TET2: variants seen among roughly 807,000 people sequenced by gnomAD.
The protein encoded by TET2 is tet methylcytosine dioxygenase 2, also known as methylcytosine dioxygenase TET2.
A neutral mutation model predicts 142.9 loss-of-function variants in TET2; 299 were observed. The observed-to-expected ratio is 2.09, with a 90% CI of 1.90 to 2.30. The LOEUF is 2.30. Among genes scored for constraint, TET2 ranks in the 30% most tolerant of loss-of-function variants. TET2 has a pLI of 0.00. For synonymous variants in TET2, 819 were observed against 849.0 expected, an observed-to-expected ratio of 0.96 and a Z score of 0.61; for missense variants, 2,418 against 2,378.0, an observed-to-expected ratio of 1.02 and a Z score of -0.35.
In TET2 at chr4:105,174,526, G is replaced by A. The variant is rs1391086149; in HGVS notation, c.-192-15834G>A. On this transcript the variant is annotated intron_variant, in intron 1 of 10. Transcript: ENST00000380013. ...GCATCAAATATTAGAGAAGCAGACA[G>A]GTAGATAGAAAGAATCACAACTTAG... 2.6e-5 allele frequency among the ~76,000 whole-genome samples: 4 copies of A among 152,172 alleles called. 1 individual carries two copies. The highest frequency in any genetic ancestry group is 9.7e-5 in the African/African-American group (4 of 41,438).
chr4:105,230,840 G>T (rs1292129321), intron 2 of TET2, among the ~76,000 whole-genome samples: 1 of 152,068 alleles, frequency 6.6e-6, no homozygotes, highest in Non-Finnish European at 1.5e-5. Context: ...CCAGTCATTA[G>T]ATTTTTTTAA....
intron 1 of TET2, among the ~76,000 whole-genome samples, chr4:105,164,730 C>T (rs1342622460): frequency 6.6e-6 from 1 of 152,144 alleles, no homozygotes; most frequent in Non-Finnish European, 1.5e-5. Flanking sequence ...CCTGAATAGG[C>T]GCCAGAGTTG....
At chr4:105,237,562 GAATT>G (rs1274768187) in intron 3 of TET2, 4 of 1,511,894 alleles carry the variant, frequency 2.6e-6, no homozygotes, top group East Asian at 4.7e-5. Context: ...TTTTCCAAAA[GAATT>G]AAATAATCGT....
chr4:105,173,125 C>A (rs1465353003), intron 1 of TET2, among the ~76,000 whole-genome samples: 1 of 152,064 alleles, frequency 6.6e-6, no homozygotes, highest in Non-Finnish European at 1.5e-5. Context: ...TTCTTGCATG[C>A]CAACACAAAG....
At position 105,278,876 on chromosome 4, in the gene TET2, C is replaced by T; in HGVS notation, c.*2357C>T. ...ATCCTGTAATCACTGAAGGTACATACTCCATGTGGACTTCCCTTAAACAGG... is the reference window on the plus strand; with the variant it reads ...ATCCTGTAATCACTGAAGGTACATATTCCATGTGGACTTCCCTTAAACAGG... On this transcript the variant is annotated 3_prime_UTR_variant, in exon 11 of 11. Transcript: ENST00000380013. 4.3e-6 allele frequency: 1 copy of T among 233,018 alleles called. No homozygotes were observed. The highest frequency in any genetic ancestry group is 8.5e-6 in the Non-Finnish European group (1 of 117,926). 14.4% of individuals were successfully genotyped at this position (233,018 alleles called of 1,614,324 possible).
At chr4:105,227,615 A>G (rs1330099876) in intron 2 of TET2, among the ~76,000 whole-genome samples, 1 of 152,086 alleles carries the variant, frequency 6.6e-6, no homozygotes, top group Non-Finnish European at 1.5e-5. Context: ...TTTAATTTCA[A>G]CTAAAAAATC....
chr4:105,248,075 A>C (rs561356104), intron 6 of TET2, among the ~76,000 whole-genome samples: 6 of 152,248 alleles, frequency 3.9e-5, no homozygotes, highest in African/African-American at 1.4e-4. Flanking sequence ...TGGCAAAAAC[A>C]CTTCATAAGT....
intron 8 of TET2, among the ~76,000 whole-genome samples, chr4:105,263,606 A>G (rs936746774): frequency 2.0e-5 from 3 of 152,184 alleles, no homozygotes; most frequent in African/African-American, 7.2e-5. Context: ...AATTTTGGAC[A>G]TGCTAGGCTT....
chr4:105,262,530 A>T (rs1238582145), intron 8 of TET2, among the ~76,000 whole-genome samples: 1 of 152,138 alleles, frequency 6.6e-6, no homozygotes, highest in Non-Finnish European at 1.5e-5. Context: ...CAAACTAAAC[A>T]CTGTGTTTAG....
At chr4:105,250,305 C>G (rs1427559678) in intron 6 of TET2, among the ~76,000 whole-genome samples, 1 of 148,858 alleles carries the variant, frequency 6.7e-6, no homozygotes, top group Non-Finnish European at 1.5e-5. Flanking sequence ...AGTCTTCCAA[C>G]TTTGTACTTT....
chr4:105,158,724 G>A (rs1032857881), intron 1 of TET2, among the ~76,000 whole-genome samples: 17 of 151,816 alleles, frequency 1.1e-4, no homozygotes, highest in African/African-American at 3.9e-4. Context: ...TTGTAAAACT[G>A]ATCCTAAATT....
rs1382718238 is a variant in TET2 at position 105,276,520 on chromosome 4, T to C, written c.*1T>C. On this transcript the variant is annotated 3_prime_UTR_variant, in exon 11 of 11. Transcript: ENST00000380013. ...AGGGCCTTACAACAGATATATATGA[T>C]ATCACCCCCTTTTGTTGGTTACCTC... is the stretch of plus-strand genomic sequence containing the variant. The C allele has an allele frequency of 3.2e-6, 5 of 1,545,468 alleles. No homozygotes were observed. In the African/African-American group the frequency reaches 6.9e-5, roughly 21 times the overall value.
intron 6 of TET2, among the ~76,000 whole-genome samples, chr4:105,253,234 A>C (rs1729957547): frequency 6.6e-6 from 1 of 152,158 alleles, no homozygotes; most frequent in South Asian, 2.1e-4. Flanking sequence ...AAAATCTTGC[A>C]GGAATTTTGA....
At chr4:105,196,188 G>C (rs1726079930) in intron 2 of TET2, among the ~76,000 whole-genome samples, 1 of 148,004 alleles carries the variant, frequency 6.8e-6, no homozygotes, top group Admixed American at 6.7e-5. Flanking sequence ...CTGATGATCA[G>C]TTCAAAGTAC....
At chr4:105,249,345 T>C (rs2110266613) in intron 6 of TET2, among the ~76,000 whole-genome samples, 1 of 152,292 alleles carries the variant, frequency 6.6e-6, no homozygotes, top group African/African-American at 2.4e-5. Context: ...TTTCCATTTA[T>C]TAGTTAATTG....
In TET2 at chr4:105,275,546, A is replaced by G. The variant is rs1384630326; in HGVS notation, c.5036A>G (p.Tyr1679Cys). ...KLSLPPIHTLYQPRFGNSQSF... is the reference protein window; with the variant it reads ...KLSLPPIHTLCQPRFGNSQSF... ...AGTCTACCACCCATCCATACACTTT[A>G]CCAGCCAAGGTTTGGAAATAGCCAG... The change falls in exon 11 of 11, where the codon TAC becomes TGC. Residue 1679 changes from tyrosine (Y) to cysteine (C), a missense_variant. Tyr to Cys is a radical substitution (Grantham distance 194, BLOSUM62 -2). Transcript: ENST00000380013. 1 of 1,551,660 alleles carries G rather than the reference A, an allele frequency of 6.4e-7. No individual in the cohort carries two copies.
chr4:105,191,225 A>G (rs1725767034), intron 2 of TET2, among the ~76,000 whole-genome samples: 1 of 152,082 alleles, frequency 6.6e-6, no homozygotes. Flanking sequence ...AGAGGGAGAT[A>G]CAAAATACTT....
rs540827661 is a variant in TET2 at position 105,174,287 on chromosome 4, C to T, written c.-192-16073C>T. Among the ~76,000 whole-genome samples, 94 of 152,212 alleles carry T rather than the reference C, an allele frequency of 6.2e-4. 1 individual carries two copies. In the South Asian group the frequency reaches 0.019, roughly 30 times the overall value. On this transcript the variant is annotated intron_variant, in intron 1 of 10. Coordinates refer to ENST00000380013, the MANE Select transcript of TET2 (RefSeq NM_001127208.3). The stretch of plus-strand genomic sequence containing the variant: ...AAAACAACCCTTTTTGAGAAGTAGA[C>T]TATGATCACAGATTTTCTTGCCACT...
chr4:105,226,481 T>C (rs1368824963), intron 2 of TET2, among the ~76,000 whole-genome samples: 3 of 152,118 alleles, frequency 2.0e-5, no homozygotes, highest in Non-Finnish European at 2.9e-5. Flanking sequence ...GGTGGGGGCC[T>C]GGTGGGAAGT....
Sources: gnomAD v4.1 joint callset for allele counts (sites outside exome capture counted in the v4.1 genomes callset) on GRCh38, gnomAD v4.1.1 for gene constraint, MANE v1.5 for transcripts, NCBI Gene and HGNC (gene_info 2026-07-23, HGNC 2026-07-21) for gene names.